Variants in TLL1 observed in about 807,000 individuals in gnomAD.
TLL1 encodes the protein tolloid like 1.
Under a neutral mutation model 128.2 loss-of-function variants are expected in TLL1, and 49 were observed. The observed-to-expected ratio is 0.38, with a 90% confidence interval of 0.30 to 0.48. TLL1 has a LOEUF of 0.48. Ranked by LOEUF, TLL1 falls within the 20% of genes least tolerant of loss-of-function variation. TLL1 has a pLI of 0.96. For missense variants in TLL1, 1,123 were observed against 1,242.0 expected, an observed-to-expected ratio of 0.90 and a Z score of 1.44; for synonymous variants, 454 against 418.8, an observed-to-expected ratio of 1.08 and a Z score of -1.03.
At chr4:166,082,925 C>T (rs1181340075) in intron 18 of TLL1, among the ~76,000 whole-genome samples, 3 of 152,104 alleles carry the variant, frequency 2.0e-5, no homozygotes. Context: ...GATCTGCCTG[C>T]CTCAACCTCC....
intron 1 of TLL1, chr4:165,874,934 G>A: frequency 6.6e-6 from 1 of 152,348 alleles, no homozygotes; most frequent in Non-Finnish European, 1.5e-5. Flanking sequence ...TACCACGTGA[G>A]CGCAGCGCCT....
chr4:166,083,778 C>T lies in TLL1; in HGVS notation c.2442+5748C>T, dbSNP rs995751588. 1.3e-5 allele frequency among the ~76,000 whole-genome samples: 2 copies of T among 151,996 alleles called. 1 individual carries two copies. Among genetic ancestry groups the T allele is most frequent in the Non-Finnish European group, 2.9e-5 (2 of 67,996 alleles). Reference sequence around the variant, plus strand: ...TGTATATATACCACATTTTGTAATCCGTTCATCCACTGATGGACACTTAGG... The same window carrying T: ...TGTATATATACCACATTTTGTAATCTGTTCATCCACTGATGGACACTTAGG... On this transcript the variant is annotated intron_variant, in intron 18 of 20. Transcript: ENST00000061240.
intron 18 of TLL1, among the ~76,000 whole-genome samples, chr4:166,090,138 A>G (rs1382707434): frequency 6.6e-6 from 1 of 152,086 alleles, no homozygotes. Context: ...GCAAATTAAC[A>G]AAGTTTGAAA....
At chr4:165,921,053 T>G in intron 1 of TLL1, among the ~76,000 whole-genome samples, 1 of 151,670 alleles carries the variant, frequency 6.6e-6, no homozygotes, top group South Asian at 2.1e-4. Flanking sequence ...AAGCTTCAGG[T>G]ATACTCTAAG....
At chr4:165,982,547 C>T (rs1051346014) in intron 1 of TLL1, among the ~76,000 whole-genome samples, 1 of 148,314 alleles carries the variant, frequency 6.7e-6, no homozygotes, top group Non-Finnish European at 1.5e-5. Context: ...GAAAGGACTC[C>T]GGACTTTGAT....
At chr4:165,922,875 C>T (rs1337089850) in intron 1 of TLL1, among the ~76,000 whole-genome samples, 4 of 152,184 alleles carry the variant, frequency 2.6e-5, no homozygotes, top group African/African-American at 9.7e-5. Flanking sequence ...GTAGCCAGCA[C>T]AGGATTTGTG....
chr4:166,052,965 G>GTGTGTGTATATATATATATATATA lies in TLL1; in HGVS notation c.1525-2110_1525-2109insGTGTGTATATATATATATATATAT. 1.4e-3 allele frequency among the ~76,000 whole-genome samples: 144 copies of GTGTGTGTATATATATATATATATA among 99,694 alleles called. 5 individuals carry two copies. The highest frequency in any genetic ancestry group is 5.2e-3 in the African/African-American group (136 of 26,272). The allele number at this position is 99,694 out of a possible 152,430, so 65.4% of individuals were successfully genotyped here. ...TAAAGACTGAGATAAGAGGTTATGT[G>GTGTGTGTATATATATATATATATA]TATATATATATATATATTTGGCCAA... On this transcript the variant is annotated intron_variant, in intron 12 of 20. Transcript: ENST00000061240.
chr4:166,032,682 A>G (rs931858575), intron 9 of TLL1, among the ~76,000 whole-genome samples: 38 of 152,278 alleles, frequency 2.5e-4, no homozygotes, highest in African/African-American at 8.2e-4. Flanking sequence ...TTCTAAAGAA[A>G]ACAATGCTTT....
At chr4:166,014,332 C>T (rs1426547680) in intron 7 of TLL1, 104 bp from the exon 8 acceptor site, 9 of 1,535,476 alleles carry the variant, frequency 5.9e-6, no homozygotes, top group Non-Finnish European at 8.1e-6. Flanking sequence ...AGGTGTAGTT[C>T]CCCTTTGATT....
chr4:166,096,904 GT>G (rs1742048198), intron 19 of TLL1, among the ~76,000 whole-genome samples: 1 of 151,976 alleles, frequency 6.6e-6, no homozygotes, highest in South Asian at 2.1e-4. Context: ...TTAAATTGTT[GT>G]TCAATTTTCC....
intron 18 of TLL1, among the ~76,000 whole-genome samples, chr4:166,079,603 G>A (rs991939545): frequency 6.6e-6 from 1 of 152,042 alleles, no homozygotes; most frequent in African/African-American, 2.4e-5. Context: ...GCAGGTGTAT[G>A]TGTTTGTGTG....
At chr4:166,080,389 A>G (rs1741234404) in intron 18 of TLL1, among the ~76,000 whole-genome samples, 2 of 152,128 alleles carry the variant, frequency 1.3e-5, no homozygotes, top group Admixed American at 6.6e-5. Context: ...TTCAATCCAT[A>G]ACACCATTTA....
At position 166,060,012 on chromosome 4, in the gene TLL1, T is replaced by G; in HGVS notation, c.1847-16T>G. On this transcript the variant is annotated splice_polypyrimidine_tract_variant and intron_variant, in intron 14 of 20. Transcript: ENST00000061240. ...TTCATGGGGAGAATATACCTTTTTC[T>G]TTTCTTTTCTTCTAGCTGCTTGTGG... 6.2e-7 allele frequency: 1 copy of G among 1,613,440 alleles called. No individual in the cohort carries two copies. Among genetic ancestry groups the G allele is most frequent in the Non-Finnish European group, 8.5e-7 (1 of 1,179,756 alleles).
chr4:165,960,735 A>G (rs538857454), intron 1 of TLL1, among the ~76,000 whole-genome samples: 1 of 152,286 alleles, frequency 6.6e-6, no homozygotes, highest in South Asian at 2.1e-4. Flanking sequence ...TAGATGCAGA[A>G]AAAGCTTTTG....
chr4:165,910,725 G>A lies in TLL1; in HGVS notation c.169+36652G>A, dbSNP rs78953915. ...GTACTAAGTAATTTAATAAAACAATGCATTATGTCAAATAACTACGCCCAT... is the reference window on the plus strand; with the variant it reads ...GTACTAAGTAATTTAATAAAACAATACATTATGTCAAATAACTACGCCCAT... On this transcript the variant is annotated intron_variant, in intron 1 of 20. Coordinates refer to ENST00000061240, the MANE Select transcript of TLL1 (RefSeq NM_012464.5). Among the ~76,000 whole-genome samples the A allele has an allele frequency of 8.8e-3, 1,344 of 152,238 alleles. 21 individuals are homozygous for A. The highest frequency in any genetic ancestry group is 0.031 in the African/African-American group (1,270 of 41,538).
intron 16 of TLL1, among the ~76,000 whole-genome samples, chr4:166,069,057 A>G (rs1267981633): frequency 6.6e-6 from 1 of 151,800 alleles, no homozygotes; most frequent in Non-Finnish European, 1.5e-5. Context: ...TAAATATAAA[A>G]GAAAAAACTC....
chr4:165,912,962 C>A (rs1053367535), intron 1 of TLL1, among the ~76,000 whole-genome samples: 4 of 151,228 alleles, frequency 2.6e-5, no homozygotes, highest in Admixed American at 1.3e-4. Context: ...ATATAAAATA[C>A]CTTAATTATG....
In TLL1 at chr4:166,100,971, CAA is replaced by C. The variant is rs1742261037; in HGVS notation, c.*97_*98del. 1 of 1,496,656 alleles carries C rather than the reference CAA, an allele frequency of 6.7e-7. No individual in the cohort carries two copies. Among genetic ancestry groups the C allele is most frequent in the Admixed American group, 2.0e-5 (1 of 49,790 alleles). 92.7% of individuals were successfully genotyped at this position (1,496,656 alleles called of 1,614,324 possible). A position where few individuals can be genotyped will look rare whatever the true frequency, so the allele number is the denominator to read the frequency against. ...AAGATATTGGCACAAATGTTTTATA[CAA>C]AGAGTTTGAACAAAAAATCCCTGTA... On this transcript the variant is annotated 3_prime_UTR_variant, in exon 21 of 21. Transcript: ENST00000061240.
At chr4:165,878,694 T>C (rs1466535115) in intron 1 of TLL1, among the ~76,000 whole-genome samples, 3 of 152,110 alleles carry the variant, frequency 2.0e-5, no homozygotes, top group Admixed American at 1.3e-4. Flanking sequence ...TTCTGGGTAG[T>C]GTCATTCACA....
Sources: gnomAD v4.1 joint callset for allele counts (sites outside exome capture counted in the v4.1 genomes callset) on GRCh38, gnomAD v4.1.1 for gene constraint, MANE v1.5 for transcripts, NCBI Gene and HGNC (gene_info 2026-07-23, HGNC 2026-07-21) for gene names.